Variants in MAX observed in about 807,000 individuals in gnomAD.
MAX encodes the protein MYC associated transcriptional regulator X.
In MAX, 3 loss-of-function variants were observed where a neutral mutation model predicts 22.3. The ratio of observed to expected loss-of-function variants is 0.13; its 90% CI spans 0.06 to 0.35. The LOEUF (loss-of-function observed/expected upper bound fraction) is 0.35. Ranked by LOEUF, MAX falls within the 10% of genes least tolerant of loss-of-function variation. The probability of loss-of-function intolerance (pLI) is 1.00; values close to 1 mark genes in which losing one functional copy is unlikely to be tolerated. For synonymous variants in MAX, 72 were observed against 77.7 expected (o/e 0.93, Z 0.39); for missense variants, 119 against 209.4 (o/e 0.57, Z 2.66).
chr14:65,026,687 C>G (rs2061988038), intron 3 of MAX, among the ~76,000 whole-genome samples: 2 of 152,062 alleles, frequency 1.3e-5, no homozygotes, highest in South Asian at 2.1e-4. Flanking sequence ...ATGGTGAAAC[C>G]TTGTCTGTAC....
At chr14:65,034,955 T>G (rs753582967) in intron 3 of MAX, among the ~76,000 whole-genome samples, 16 of 152,236 alleles carry the variant, frequency 1.1e-4, no homozygotes, top group Non-Finnish European at 1.5e-5. Flanking sequence ...GGCAGTCAAC[T>G]TGGTCAGACT....
At chr14:65,065,462 T>TAA (rs2062922303) in intron 3 of MAX, among the ~76,000 whole-genome samples, 1 of 152,092 alleles carries the variant, frequency 6.6e-6, no homozygotes, top group Non-Finnish European at 1.5e-5. Context: ...GGAGTGCACT[T>TAA]ACACAGACCT....
rs2063093894 is a variant in MAX, at chr14:65,077,602, G to A, written c.295+311C>T. On this transcript the variant is annotated intron_variant, in intron 4 of 4. Coordinates refer to ENST00000358664, the MANE Select transcript of MAX (RefSeq NM_002382.5). This position sits in a 1 kb window ranked among gnomAD's most constrained non-coding sequence, Gnocchi z 6.3. The stretch of plus-strand genomic sequence containing the variant: ...TCCAAGGACCTCAAAGCTCTTTTCA[G>A]ACACCTGATGCCAGGTGTGATCCCT... 5.8e-6 allele frequency: 6 copies of A among 1,026,770 alleles called. No homozygotes were observed. The highest frequency in any genetic ancestry group is 9.0e-6 in the Non-Finnish European group (6 of 670,318). The allele number at this position is 1,026,770 out of a possible 1,614,324, so 63.6% of individuals were successfully genotyped here.
rs1232862799 is a variant in MAX, at chr14:65,062,811, C to T, written c.171+30897G>A. 6.6e-6 allele frequency among the ~76,000 whole-genome samples: 1 copy of T among 152,180 alleles called. No individual in the cohort carries two copies. The highest frequency in any genetic ancestry group is 2.4e-5 in the African/African-American group (1 of 41,442). On this transcript the variant is annotated intron_variant, in intron 3 of 3. Coordinates refer to the MAX transcript ENST00000341653. This position sits in a 1 kb window ranked among gnomAD's most constrained non-coding sequence, Gnocchi z 4.3. ...GAGTTCCATCCTCACATGCCGTCTC[C>T]TCCAGTAGAGGAAGCCGTGGGCCTA...
At chr14:65,018,582 G>C (rs998611355) in intron 3 of MAX, among the ~76,000 whole-genome samples, 1 of 152,028 alleles carries the variant, frequency 6.6e-6, no homozygotes, top group Non-Finnish European at 1.5e-5. Flanking sequence ...GGCCAAGGTC[G>C]GCAGATCACC....
At position 65,031,321 on chromosome 14, in the gene MAX, T is replaced by A. The variant is rs993127518; in HGVS notation, c.172-25037A>T. On this transcript the variant is annotated intron_variant, in intron 3 of 3. Transcript: ENST00000341653. This position sits in a 1 kb window ranked among gnomAD's most constrained non-coding sequence, Gnocchi z 4.6. Reference sequence around the variant, plus strand: ...AAATCAAGTATAATAATTTTTTGTGTTTGTTTTTTTTTTTGAGACAGAGTC... The same window carrying A: ...AAATCAAGTATAATAATTTTTTGTGATTGTTTTTTTTTTTGAGACAGAGTC... 1.3e-5 allele frequency among the ~76,000 whole-genome samples: 2 copies of A among 151,418 alleles called. No individual in the cohort carries two copies. Among genetic ancestry groups the A allele is most frequent in the African/African-American group, 4.8e-5 (2 of 41,238 alleles).
chr14:65,076,317 T>C lies in MAX; in HGVS notation c.*159A>G, dbSNP rs945370946. 1.3e-6 allele frequency: 2 copies of C among 1,490,210 alleles called. No homozygotes were observed. 92.3% of individuals were successfully genotyped at this position (1,490,210 alleles called of 1,614,324 possible). Reference sequence around the variant, plus strand: ...TGGGGAAGGAGAACGAGAGCTGTTGTCCAAGAGCTTCTACGTAAAAATAAA... The same window carrying C: ...TGGGGAAGGAGAACGAGAGCTGTTGCCCAAGAGCTTCTACGTAAAAATAAA... On this transcript the variant is annotated 3_prime_UTR_variant, in exon 5 of 5. Coordinates refer to ENST00000358664, the MANE Select transcript of MAX (RefSeq NM_002382.5). The surrounding 1 kb of genome is among the most constrained non-coding windows in gnomAD (Gnocchi z 6.6).
intron 3 of MAX, among the ~76,000 whole-genome samples, chr14:65,067,763 A>C (rs2062946036): frequency 1.3e-5 from 2 of 151,018 alleles, no homozygotes; most frequent in South Asian, 4.2e-4. Context: ...GTGGGACCAC[A>C]GGCACACACC....
At chr14:65,035,591 G>A (rs1744369158) in intron 3 of MAX, among the ~76,000 whole-genome samples, 1 of 151,990 alleles carries the variant, frequency 6.6e-6, no homozygotes, top group South Asian at 2.1e-4. Flanking sequence ...GTGTAGTGGT[G>A]TGATCACAGC....
In MAX at chr14:65,084,314, T is replaced by C. The variant is rs989985793; in HGVS notation, c.172-6278A>G. 6 of 1,390,396 alleles carry C rather than the reference T, an allele frequency of 4.3e-6. No homozygotes were observed. The African/African-American group carries it at 7.1e-5, about 17-fold the overall frequency. The allele number at this position is 1,390,396 out of a possible 1,614,324, so 86.1% of individuals were successfully genotyped here. The stretch of plus-strand genomic sequence containing the variant: ...AGGAAATAGAGCTAGTAAATAAACA[T>C]GTGGAAAAGCAATTAATTTCACAAG... On this transcript the variant is annotated intron_variant, in intron 3 of 4. Transcript: ENST00000358664. The surrounding 1 kb of genome is among the most constrained non-coding windows in gnomAD (Gnocchi z 4.3).
intron 3 of MAX, among the ~76,000 whole-genome samples, chr14:65,040,220 AATTTT>A (rs1021411985): frequency 1.9e-4 from 28 of 149,440 alleles, no homozygotes; most frequent in Admixed American, 1.6e-3. Flanking sequence ...ATCACTCTTT[AATTTT>A]ATTTTAACTT....
At chr14:65,052,418 A>C (rs2062636840) in intron 3 of MAX, among the ~76,000 whole-genome samples, 1 of 152,340 alleles carries the variant, frequency 6.6e-6, no homozygotes, top group East Asian at 1.9e-4. Flanking sequence ...CTTTTAGCCC[A>C]GGTATCAAAA....
rs1175161241 is a variant in MAX at position 65,077,636 on chromosome 14, C to T, written c.295+277G>A. On this transcript the variant is annotated intron_variant, in intron 4 of 4. Transcript: ENST00000358664. This position sits in a 1 kb window ranked among gnomAD's most constrained non-coding sequence, Gnocchi z 6.3. ...TGCCAGGTGTGATCCCTACTGCAGG[C>T]AGAGCACCTGAGCCCCAAGAAGGGG... 1 of 1,269,526 alleles carries T rather than the reference C, an allele frequency of 7.9e-7. No individual in the cohort carries two copies. Among genetic ancestry groups the T allele is most frequent in the South Asian group, 1.3e-5 (1 of 77,648 alleles). 78.6% of individuals were successfully genotyped at this position (1,269,526 alleles called of 1,614,324 possible). A position where few individuals can be genotyped will look rare whatever the true frequency, so the allele number is the denominator to read the frequency against.
chr14:65,028,427 C>T lies in MAX; in HGVS notation c.172-22143G>A, dbSNP rs1012888885. ...ATAAGCCATTTCTCTAAGACAGTGGCTTATTGAGATTTTATGCCATTTTCT... is the reference window on the plus strand; with the variant it reads ...ATAAGCCATTTCTCTAAGACAGTGGTTTATTGAGATTTTATGCCATTTTCT... On this transcript the variant is annotated intron_variant, in intron 3 of 3. Transcript: ENST00000341653. The surrounding 1 kb of genome is among the most constrained non-coding windows in gnomAD (Gnocchi z 4.4). Among the ~76,000 whole-genome samples, 3 of 152,156 alleles carry T rather than the reference C, an allele frequency of 2.0e-5. No homozygotes were observed. Among genetic ancestry groups the T allele is most frequent in the African/African-American group, 7.2e-5 (3 of 41,428 alleles).
chr14:65,073,691 C>T (rs571754676), downstream of MAX, among the ~76,000 whole-genome samples: 19 of 152,318 alleles, frequency 1.2e-4, no homozygotes, highest in African/African-American at 4.3e-4. Flanking sequence ...TACTCACACT[C>T]GCTTCCTAGA....
At chr14:65,083,978 A>G (rs1595142407) in intron 3 of MAX, 7 of 1,442,002 alleles carry the variant, frequency 4.9e-6, no homozygotes, top group Non-Finnish European at 6.4e-6. Flanking sequence ...AACCCCATCA[A>G]TGCCAGCAAA....
intron 3 of MAX, among the ~76,000 whole-genome samples, chr14:65,083,420 G>A (rs903637026): frequency 1.3e-5 from 2 of 152,226 alleles, no homozygotes; most frequent in South Asian, 2.1e-4. Context: ...AATTTTCAAT[G>A]TAAGGCAAGA....
chr14:65,009,587 C>T lies in MAX; in HGVS notation c.172-3303G>A, dbSNP rs1311712593. ...GCATCCTTCCTTATTCCAGGCTCAC[C>T]TCTCCTACTATACCCTCATCCCAGC... is the stretch of plus-strand genomic sequence containing the variant. On this transcript the variant is annotated intron_variant, in intron 3 of 3. Transcript: ENST00000341653. This position sits in a 1 kb window ranked among gnomAD's most constrained non-coding sequence, Gnocchi z 4.2. Among the ~76,000 whole-genome samples the T allele has an allele frequency of 6.6e-6, 1 of 152,108 alleles. No individual in the cohort carries two copies. Among genetic ancestry groups the T allele is most frequent in the Admixed American group, 6.6e-5 (1 of 15,264 alleles).
rs1337524076 is a variant in MAX at position 65,062,854 on chromosome 14, A to T, written c.171+30854T>A. Among the ~76,000 whole-genome samples the T allele has an allele frequency of 6.6e-6, 1 of 152,096 alleles. No homozygotes were observed. Among genetic ancestry groups the T allele is most frequent in the Non-Finnish European group, 1.5e-5 (1 of 68,010 alleles). On this transcript the variant is annotated intron_variant, in intron 3 of 3. Coordinates refer to the MAX transcript ENST00000341653. The surrounding 1 kb of genome is among the most constrained non-coding windows in gnomAD (Gnocchi z 4.3). ...TGGGCCTAACAGAGAGTGGGAAGAG[A>T]TGTTTTCCAAGCTCCCTGGGGTAAT...
Sources: gnomAD v4.1 joint callset for allele counts (sites outside exome capture counted in the v4.1 genomes callset) on GRCh38, gnomAD v4.1.1 for gene constraint, Gnocchi (gnomAD v3.1) non-coding constraint, MANE v1.5 for transcripts, NCBI Gene and HGNC (gene_info 2026-07-23, HGNC 2026-07-21) for gene names.